BANP: variants seen among roughly 807,000 people sequenced by gnomAD.
The protein encoded by BANP is protein BANP.
In BANP, 11 loss-of-function variants were observed where a neutral mutation model predicts 68.1. That is an observed-to-expected ratio of 0.16 (90% CI 0.10 to 0.27). The LOEUF is 0.27. Ranked by LOEUF, BANP falls within the 10% of genes least tolerant of loss-of-function variation. The pLI, the probability that BANP is intolerant of heterozygous loss-of-function variation, is 1.00. For synonymous variants in BANP, 329 were observed against 303.2 expected, an observed-to-expected ratio of 1.09 and a Z score of -0.88; for missense variants, 504 against 722.7, an observed-to-expected ratio of 0.70 and a Z score of 3.47.
At chr16:87,974,947 T>A (rs558778345) in intron 1 of BANP, 101 bp from the exon 2 acceptor site, 2 of 604,954 alleles carry the variant, frequency 3.3e-6, no homozygotes, top group East Asian at 5.5e-5. Flanking sequence ...TCCACAGACG[T>A]TCGCGGCCTC....
At chr16:87,978,543 T>C in intron 2 of BANP, 2 of 457,858 alleles carry the variant, frequency 4.4e-6, no homozygotes, top group Non-Finnish European at 4.5e-6. Flanking sequence ...TTTTAAAAGT[T>C]TCATTAAGTG....
intron 1 of BANP, 125 bp from the exon 2 acceptor site, chr16:87,974,923 C>A: frequency 7.0e-6 from 4 of 573,942 alleles, no homozygotes; most frequent in Non-Finnish European, 1.3e-5. Flanking sequence ...CAAGAAGAAC[C>A]CTGCATGTAA....
intron 11 of BANP, among the ~76,000 whole-genome samples, chr16:88,053,452 AT>A (rs1473177372): frequency 4.2e-5 from 4 of 94,384 alleles, no homozygotes; most frequent in African/African-American, 2.3e-4. Context: ...TGTCATCTCC[AT>A]CATCATCATC....
In BANP at chr16:88,071,269, A is replaced by C. The variant is rs2090237048; in HGVS notation, c.1378-800A>C. On this transcript the variant is annotated intron_variant, in intron 12 of 13. Transcript: ENST00000682872. The surrounding 1 kb of genome is among the most constrained non-coding windows in gnomAD (Gnocchi z 6.5). ...AAGTGAAGACCCCGTGGCTCATGTC[A>C]AGTGCCCTCAGGGCTGGGGCTGCCC... The C allele has an allele frequency of 1.1e-5, 4 of 359,996 alleles. No individual in the cohort carries two copies. The highest frequency in any genetic ancestry group is 8.3e-5 in the South Asian group (4 of 48,458). The allele number at this position is 359,996 out of a possible 1,614,324, so 22.3% of individuals were successfully genotyped here. A position where few individuals can be genotyped will look rare whatever the true frequency, so the allele number is the denominator to read the frequency against.
At chr16:88,046,687 A>G (rs1455500067) in intron 11 of BANP, among the ~76,000 whole-genome samples, 2 of 151,830 alleles carry the variant, frequency 1.3e-5, no homozygotes, top group Non-Finnish European at 2.9e-5. Context: ...CTGGGATTAT[A>G]TAGGCACCCG....
chr16:88,024,904 A>T (rs989012351), intron 7 of BANP, among the ~76,000 whole-genome samples: 13 of 152,158 alleles, frequency 8.5e-5, no homozygotes, highest in Admixed American at 6.5e-4. Flanking sequence ...TTTAAATGTG[A>T]ATGTTTTCAC....
Position 88,003,347 on chromosome 16 carries a change from T to G in BANP, c.363-948T>G. The G allele has an allele frequency of 2.4e-6, 1 of 424,762 alleles. No individual in the cohort carries two copies. Among genetic ancestry groups the G allele is most frequent in the Non-Finnish European group, 4.7e-6 (1 of 210,710 alleles). 26.3% of individuals were successfully genotyped at this position (424,762 alleles called of 1,614,324 possible). A position where few individuals can be genotyped will look rare whatever the true frequency, so the allele number is the denominator to read the frequency against. ...GGGGACAGTTACAGTGATACTAGGCTAGAATTTCCTATGTGCAGATCACAG... is the reference window on the plus strand; with the variant it reads ...GGGGACAGTTACAGTGATACTAGGCGAGAATTTCCTATGTGCAGATCACAG... On this transcript the variant is annotated intron_variant, in intron 4 of 13. Coordinates refer to ENST00000682872, the MANE Select transcript of BANP (RefSeq NM_001386991.1). The surrounding 1 kb of genome is among the most constrained non-coding windows in gnomAD (Gnocchi z 6.1).
At chr16:88,026,468 A>AC (rs2077008148) in intron 7 of BANP, among the ~76,000 whole-genome samples, 2 of 152,086 alleles carry the variant, frequency 1.3e-5, no homozygotes, top group African/African-American at 4.8e-5. Flanking sequence ...TGGGTGCCTG[A>AC]CCCCCATGGG....
chr16:87,971,623 TCTGTCTTG>T (rs1303922625), intron 1 of BANP, among the ~76,000 whole-genome samples: 9 of 151,966 alleles, frequency 5.9e-5, no homozygotes, highest in Admixed American at 2.0e-4. Context: ...ATCTTGGTGT[TCTGTCTTG>T]GTGTTGTATC....
At chr16:88,053,354 C>A (rs1296579517) in intron 11 of BANP, among the ~76,000 whole-genome samples, 1 of 151,958 alleles carries the variant, frequency 6.6e-6, no homozygotes, top group Non-Finnish European at 1.5e-5. Flanking sequence ...AACACAACCA[C>A]CCTAACAGCC....
intron 13 of BANP, among the ~76,000 whole-genome samples, chr16:88,074,883 G>A (rs755477447): frequency 3.3e-5 from 5 of 152,182 alleles, no homozygotes; most frequent in African/African-American, 9.6e-5. Context: ...ACAGTATATC[G>A]AGTGTCATTT....
chr16:88,034,570 G>A (rs2078899373), intron 9 of BANP, among the ~76,000 whole-genome samples: 1 of 145,534 alleles, frequency 6.9e-6, no homozygotes, highest in South Asian at 2.3e-4. Flanking sequence ...CCTGTTGTGA[G>A]TGTAGGCACG....
intron 6 of BANP, among the ~76,000 whole-genome samples, 157 bp downstream of exon 6, chr16:88,006,422 G>A (rs1384169366): frequency 3.9e-5 from 6 of 152,122 alleles, no homozygotes; most frequent in Non-Finnish European, 2.9e-5. Context: ...TGAGGCGGGC[G>A]GATCACCTGA....
chr16:88,021,717 G>A (rs556649891), intron 7 of BANP, among the ~76,000 whole-genome samples: 3 of 152,326 alleles, frequency 2.0e-5, no homozygotes, highest in South Asian at 2.1e-4. Context: ...CTTGAACAGC[G>A]GCAGGAGTGG....
upstream of BANP, chr16:87,951,023 G>C (rs1373607614): frequency 1.3e-5 from 2 of 152,228 alleles, no homozygotes; most frequent in African/African-American, 4.8e-5. Flanking sequence ...ACCGGAGTCC[G>C]GAGAGACTAC....
intron 6 of BANP, among the ~76,000 whole-genome samples, chr16:88,007,509 T>C (rs2071587396): frequency 6.6e-6 from 1 of 152,212 alleles, no homozygotes; most frequent in African/African-American, 2.4e-5. Context: ...GTGCCCTTCA[T>C]CCTGTCACCG....
chr16:87,961,143 A>C (rs2059044409), intron 1 of BANP, among the ~76,000 whole-genome samples: 1 of 152,232 alleles, frequency 6.6e-6, no homozygotes, highest in Non-Finnish European at 1.5e-5. Flanking sequence ...TTAAAGCCAT[A>C]AAGTGCAGAA....
intron 1 of BANP, among the ~76,000 whole-genome samples, chr16:87,969,635 C>T (rs1313011037): frequency 2.6e-5 from 4 of 151,106 alleles, no homozygotes; most frequent in Non-Finnish European, 5.9e-5. Flanking sequence ...CCATTTCAAG[C>T]GATTCTCCTG....
In BANP at chr16:88,003,533, A is replaced by T. The variant is rs1203907502; in HGVS notation, c.363-762A>T. On this transcript the variant is annotated intron_variant, in intron 4 of 13. Transcript: ENST00000682872. This position sits in a 1 kb window ranked among gnomAD's most constrained non-coding sequence, Gnocchi z 6.1. ...TATCCCTTGTGACCAGAAAGTGCTA[A>T]GGCTTAAAAACGCATGATTGAAAAC... 3 of 456,306 alleles carry T rather than the reference A, an allele frequency of 6.6e-6. No homozygotes were observed. Among genetic ancestry groups the T allele is most frequent in the Middle Eastern group, 3.3e-4 (1 of 3,076 alleles). 28.3% of individuals were successfully genotyped at this position (456,306 alleles called of 1,614,324 possible).
Sources: allele counts gnomAD v4.1 joint callset (sites outside exome capture counted in the v4.1 genomes callset), GRCh38; gene constraint gnomAD v4.1.1; non-coding constraint Gnocchi (gnomAD v3.1); transcripts MANE v1.5; gene names NCBI Gene and HGNC (gene_info 2026-07-23, HGNC 2026-07-21).